The following WDR7 variants were observed in gnomAD, a reference collection of about 807,000 sequenced individuals.
The protein encoded by WDR7 is WD repeat-containing protein 7.
A neutral mutation model predicts 169.4 loss-of-function variants in WDR7; 46 were observed. The ratio of observed to expected loss-of-function variants is 0.27; its 90% CI spans 0.21 to 0.35. The LOEUF (loss-of-function observed/expected upper bound fraction) is 0.35, where lower values mean the gene tolerates loss of function less well. Among genes scored for constraint, WDR7 ranks in the 10% least tolerant of loss-of-function variants. The probability of loss-of-function intolerance (pLI) is 1.00; values close to 1 mark genes in which losing one functional copy is unlikely to be tolerated. For synonymous variants in WDR7, 612 were observed against 666.8 expected (o/e 0.92, Z 1.27); for missense variants, 1,534 against 1,859.3 (o/e 0.83, Z 3.22).
chr18:56,927,047 G>C (rs1017663408), intron 22 of WDR7, among the ~76,000 whole-genome samples: 4 of 152,114 alleles, frequency 2.6e-5, no homozygotes, highest in African/African-American at 9.7e-5. Context: ...AAGCTTTTAT[G>C]TTAGGCCTGT....
At chr18:56,876,226 C>T (rs992505919) in intron 20 of WDR7, among the ~76,000 whole-genome samples, 11 of 152,094 alleles carry the variant, frequency 7.2e-5, no homozygotes, top group African/African-American at 2.7e-4. Context: ...GCATACCGAG[C>T]TTTGAGTGAC....
chr18:56,700,454 A>G lies in WDR7; in HGVS notation c.1578+3992A>G, dbSNP rs531303479. Among the ~76,000 whole-genome samples, 6 of 150,384 alleles carry G rather than the reference A, an allele frequency of 4.0e-5. No individual in the cohort carries two copies. The South Asian group carries it at 1.3e-3, about 32-fold the overall frequency. On this transcript the variant is annotated intron_variant, in intron 12 of 27. Coordinates refer to ENST00000254442, the MANE Select transcript of WDR7 (RefSeq NM_015285.3). ...GTATTTTTAGTAGAGACAGGGTTTC[A>G]CCATGTTGGCCAGGATGGTCTCGAT...
intron 20 of WDR7, among the ~76,000 whole-genome samples, chr18:56,817,901 C>T (rs533491909): frequency 1.3e-5 from 2 of 152,142 alleles, no homozygotes; most frequent in African/African-American, 2.4e-5. Flanking sequence ...CATACCACCA[C>T]GCCCAGCTAA....
At chr18:56,746,963 A>C (rs1003754990) in intron 14 of WDR7, among the ~76,000 whole-genome samples, 3 of 152,196 alleles carry the variant, frequency 2.0e-5, no homozygotes, top group African/African-American at 4.8e-5. Flanking sequence ...CCCCTGCTCA[A>C]AACCACTGCT....
chr18:56,882,124 T>C (rs1332102983), intron 21 of WDR7, among the ~76,000 whole-genome samples: 4 of 152,214 alleles, frequency 2.6e-5, no homozygotes, highest in Admixed American at 6.5e-5. Flanking sequence ...CTTATTTATC[T>C]TTTCTCAAGT....
intron 21 of WDR7, among the ~76,000 whole-genome samples, chr18:56,912,159 G>A (rs1482508067): frequency 6.6e-6 from 1 of 152,148 alleles, no homozygotes; most frequent in Non-Finnish European, 1.5e-5. Flanking sequence ...GGAGTGTTAG[G>A]TGAGTTTTAT....
At chr18:56,802,452 G>A (rs2044691810) in intron 19 of WDR7, among the ~76,000 whole-genome samples, 1 of 151,814 alleles carries the variant, frequency 6.6e-6, no homozygotes, top group Non-Finnish European at 1.5e-5. Flanking sequence ...CTGCCTCCTG[G>A]GTTCATACCA....
chr18:56,671,427 A>G (rs367635427), intron 1 of WDR7, among the ~76,000 whole-genome samples: 2 of 151,486 alleles, frequency 1.3e-5, no homozygotes, highest in Admixed American at 6.6e-5. Context: ...ACCTGCCACC[A>G]TGCCTGGCTA....
At position 56,800,865 on chromosome 18, in the gene WDR7, C is replaced by T. The variant is rs552215461; in HGVS notation, c.3191-15166C>T. On this transcript the variant is annotated intron_variant, in intron 19 of 27. Transcript: ENST00000254442. Reference sequence around the variant, plus strand: ...GAATCAGTCATTTCTCTAAGGAACCCTGGTTCCTTTTAATGGAGGTATTAG... The same window carrying T: ...GAATCAGTCATTTCTCTAAGGAACCTTGGTTCCTTTTAATGGAGGTATTAG... 5.3e-5 allele frequency among the ~76,000 whole-genome samples: 8 copies of T among 152,300 alleles called. No homozygotes were observed. In the South Asian group the frequency reaches 1.7e-3, roughly 32 times the overall value.
intron 8 of WDR7, 59 bp downstream of exon 8, chr18:56,691,420 G>A: frequency 6.7e-7 from 1 of 1,495,354 alleles, no homozygotes; most frequent in Non-Finnish European, 8.9e-7. Context: ...AGAATTTAGG[G>A]TACAACCTGA....
At chr18:56,757,439 C>CGACCACCGAGA in intron 15 of WDR7, 87 bp downstream of exon 15, 3 of 1,315,666 alleles carry the variant, frequency 2.3e-6, no homozygotes, top group South Asian at 1.8e-5. Context: ...TCTTTTTTGG[C>CGACCACCGAGA]TCTACACAAT....
intron 21 of WDR7, among the ~76,000 whole-genome samples, chr18:56,908,245 G>A (rs1268802467): frequency 6.6e-6 from 1 of 152,098 alleles, no homozygotes; most frequent in Non-Finnish European, 1.5e-5. Context: ...GCAAAGGCTG[G>A]GAAACCAGTT....
intron 12 of WDR7, among the ~76,000 whole-genome samples, chr18:56,715,562 G>A (rs999305299): frequency 4.6e-5 from 7 of 152,236 alleles, no homozygotes; most frequent in South Asian, 4.1e-4. Flanking sequence ...GGCCAGGCGC[G>A]GTGGTTCATG....
intron 13 of WDR7, among the ~76,000 whole-genome samples, chr18:56,728,003 G>A (rs2144789335): frequency 6.6e-6 from 1 of 152,266 alleles, no homozygotes; most frequent in Non-Finnish European, 1.5e-5. Flanking sequence ...CTTAAAGACT[G>A]AAAGTTTTGA....
At chr18:56,905,623 C>CTATATATA (rs10563010) in intron 21 of WDR7, among the ~76,000 whole-genome samples, 47 of 147,054 alleles carry the variant, frequency 3.2e-4, no homozygotes, top group African/African-American at 1.2e-3. Flanking sequence ...TATTATGAAA[C>CTATATATA]TATATATATA....
chr18:56,807,145 G>GC (rs2044787269), intron 19 of WDR7, among the ~76,000 whole-genome samples: 1 of 92,048 alleles, frequency 1.1e-5, no homozygotes, highest in Non-Finnish European at 2.1e-5. Flanking sequence ...GGTGATCCTA[G>GC]CCAAAAAAAA....
intron 20 of WDR7, among the ~76,000 whole-genome samples, chr18:56,864,902 C>CT (rs1429634209): frequency 5.9e-5 from 9 of 151,792 alleles, no homozygotes; most frequent in Non-Finnish European, 1.2e-4. Flanking sequence ...AGAAGAAAGA[C>CT]ACTGGGTTTT....
chr18:56,808,998 A>T (rs530808701), intron 19 of WDR7, among the ~76,000 whole-genome samples: 3 of 152,026 alleles, frequency 2.0e-5, no homozygotes, highest in Admixed American at 6.6e-5. Context: ...TCTCACTTCT[A>T]CTAGCTACAA....
chr18:56,896,245 A>G (rs2046331131), intron 21 of WDR7, among the ~76,000 whole-genome samples: 2 of 151,870 alleles, frequency 1.3e-5, no homozygotes, highest in South Asian at 2.1e-4. Flanking sequence ...AAAGATGTCA[A>G]TTTTCATAAA....
Sources: gnomAD v4.1 joint callset for allele counts (sites outside exome capture counted in the v4.1 genomes callset) on GRCh38, gnomAD v4.1.1 for gene constraint, MANE v1.5 for transcripts, NCBI Gene and HGNC (gene_info 2026-07-23, HGNC 2026-07-21) for gene names.